The following FSTL5 variants were observed in gnomAD, a reference collection of about 807,000 sequenced individuals.
FSTL5 encodes the protein follistatin-related protein 5.
In FSTL5, 62 loss-of-function variants were observed where a neutral mutation model predicts 89.1. That is an observed-to-expected ratio of 0.70 (90% CI 0.57 to 0.86). The LOEUF (loss-of-function observed/expected upper bound fraction) is 0.86, where lower values mean the gene tolerates loss of function less well. Among genes scored for constraint, FSTL5 ranks in the 40% least tolerant of loss-of-function variants. FSTL5 has a pLI of 0.00. For synonymous variants in FSTL5, 383 were observed against 346.2 expected, an observed-to-expected ratio of 1.11 and a Z score of -1.18; for missense variants, 1,057 against 1,001.6, an observed-to-expected ratio of 1.06 and a Z score of -0.75.
At chr4:161,734,651 T>C (rs1739727029) in intron 6 of FSTL5, among the ~76,000 whole-genome samples, 1 of 152,156 alleles carries the variant, frequency 6.6e-6, no homozygotes, top group South Asian at 2.1e-4. Context: ...TCTTTGAAAC[T>C]AAATGGGACA....
At chr4:161,763,538 A>T (rs1740879754) in intron 5 of FSTL5, among the ~76,000 whole-genome samples, 1 of 152,166 alleles carries the variant, frequency 6.6e-6, no homozygotes, top group East Asian at 1.9e-4. Flanking sequence ...CTATGGGTGT[A>T]GGGGAGAGAA....
chr4:161,969,992 A>G (rs1735436623), intron 3 of FSTL5, among the ~76,000 whole-genome samples: 1 of 152,138 alleles, frequency 6.6e-6, no homozygotes. Context: ...GAGGTTGGTG[A>G]GGACCAGACC....
chr4:161,557,253 T>A (rs949427676), intron 8 of FSTL5, among the ~76,000 whole-genome samples: 2 of 151,414 alleles, frequency 1.3e-5, no homozygotes, highest in African/African-American at 4.8e-5. Context: ...AGCCTAAAAC[T>A]TGCTAAACAA....
chr4:162,099,542 C>T (rs1730903400), intron 2 of FSTL5, among the ~76,000 whole-genome samples: 1 of 151,984 alleles, frequency 6.6e-6, no homozygotes, highest in African/African-American at 2.4e-5. Flanking sequence ...ACAACAAAGG[C>T]ACAGTCCATG....
intron 4 of FSTL5, among the ~76,000 whole-genome samples, chr4:161,799,723 C>A (rs961732124): frequency 6.6e-6 from 1 of 151,634 alleles, no homozygotes; most frequent in African/African-American, 2.4e-5. Context: ...ACAACGGCTA[C>A]ATTTTCTTTC....
chr4:161,503,483 T>C (rs764195381), intron 11 of FSTL5, among the ~76,000 whole-genome samples: 3 of 151,978 alleles, frequency 2.0e-5, no homozygotes, highest in Non-Finnish European at 4.4e-5. Context: ...TTGGCATATA[T>C]GCATGTGTGA....
chr4:161,987,552 T>C (rs1207233738), intron 3 of FSTL5, among the ~76,000 whole-genome samples: 1 of 147,362 alleles, frequency 6.8e-6, no homozygotes, highest in Non-Finnish European at 1.5e-5. Context: ...AATGAAAGTA[T>C]ATATACTTTA....
chr4:161,623,083 A>T (rs1735200274), intron 7 of FSTL5, among the ~76,000 whole-genome samples: 1 of 152,126 alleles, frequency 6.6e-6, no homozygotes, highest in African/African-American at 2.4e-5. Flanking sequence ...AGAATCATTG[A>T]TGATAACATT....
intron 7 of FSTL5, among the ~76,000 whole-genome samples, chr4:161,633,958 A>C (rs1578982816): frequency 6.6e-6 from 1 of 152,224 alleles, no homozygotes; most frequent in African/African-American, 2.4e-5. Context: ...CCTACAGGGC[A>C]ATGTAACAAT....
intron 6 of FSTL5, among the ~76,000 whole-genome samples, chr4:161,710,944 C>A (rs991438509): frequency 2.0e-5 from 3 of 151,974 alleles, no homozygotes; most frequent in Non-Finnish European, 2.9e-5. Flanking sequence ...ATAGATAATG[C>A]ATTCAAGAAG....
chr4:161,860,594 GAC>G (rs1201205797), intron 4 of FSTL5, among the ~76,000 whole-genome samples: 3 of 152,186 alleles, frequency 2.0e-5, no homozygotes, highest in Non-Finnish European at 4.4e-5. Context: ...TCTAGGTATA[GAC>G]ACTGGAGCTC....
chr4:162,022,754 G>A (rs1327179557), intron 3 of FSTL5: 1 of 152,102 alleles, frequency 6.6e-6, no homozygotes, highest in Non-Finnish European at 1.5e-5. Flanking sequence ...CCCCTGGAAA[G>A]AGTTTTAGGC....
At chr4:161,574,028 A>G (rs1014458106) in intron 8 of FSTL5, among the ~76,000 whole-genome samples, 8 of 152,142 alleles carry the variant, frequency 5.3e-5, no homozygotes, top group Non-Finnish European at 1.2e-4. Flanking sequence ...TTATTGGCTG[A>G]TGACTCATTC....
At chr4:162,114,529 GACACACAC>G (rs9308041) in intron 1 of FSTL5, among the ~76,000 whole-genome samples, 46,351 of 148,900 alleles carry the variant, frequency 0.31, 7,771 homozygotes, top group East Asian at 0.42. Context: ...TTTGTGTGTG[GACACACAC>G]ACACACACAC....
intron 7 of FSTL5, among the ~76,000 whole-genome samples, chr4:161,594,939 T>A (rs998148052): frequency 6.6e-6 from 1 of 152,048 alleles, no homozygotes; most frequent in Non-Finnish European, 1.5e-5. Context: ...TAATCCCATT[T>A]TGCAGATAAG....
At chr4:161,791,288 A>G (rs1729465340) in intron 4 of FSTL5, among the ~76,000 whole-genome samples, 3 of 152,162 alleles carry the variant, frequency 2.0e-5, no homozygotes, top group Non-Finnish European at 4.4e-5. Context: ...TTTACACACT[A>G]AGGAATAAAC....
intron 4 of FSTL5, among the ~76,000 whole-genome samples, chr4:161,777,699 C>G (rs1322960751): frequency 6.6e-6 from 1 of 152,040 alleles, no homozygotes; most frequent in Non-Finnish European, 1.5e-5. Context: ...CTTACTGAAG[C>G]AAGACTGTGT....
chr4:161,921,644 G>C (rs1733999415), intron 3 of FSTL5, among the ~76,000 whole-genome samples: 1 of 152,034 alleles, frequency 6.6e-6, no homozygotes, highest in Non-Finnish European at 1.5e-5. Flanking sequence ...TGAGTAGTTA[G>C]TATGTATTAA....
chr4:161,396,839 T>G (rs1578942077), intron 15 of FSTL5, among the ~76,000 whole-genome samples: 1 of 152,008 alleles, frequency 6.6e-6, no homozygotes, highest in East Asian at 1.9e-4. Context: ...CTACACGGTT[T>G]GGAGAAGGAA....
Sources: gnomAD v4.1 joint callset for allele counts (sites outside exome capture counted in the v4.1 genomes callset) on GRCh38, gnomAD v4.1.1 for gene constraint, MANE v1.5 for transcripts, NCBI Gene and HGNC (gene_info 2026-07-23, HGNC 2026-07-21) for gene names.